The following PLEKHF2 variants were observed in gnomAD, a reference collection of about 807,000 sequenced individuals.
PLEKHF2 encodes the protein pleckstrin homology and FYVE domain containing 2.
PLEKHF2 carries 4 observed loss-of-function variants against 14.7 expected under a neutral mutation model. The ratio of observed to expected loss-of-function variants is 0.27; its 90% CI spans 0.13 to 0.62. PLEKHF2 has a LOEUF of 0.62. PLEKHF2 is among the 20% of genes least tolerant of loss of function. PLEKHF2 has a pLI of 0.85. For synonymous variants in PLEKHF2, 90 were observed against 103.5 expected (o/e 0.87, Z 0.79); for missense variants, 201 against 307.7 (o/e 0.65, Z 2.60).
intron 1 of PLEKHF2, among the ~76,000 whole-genome samples, chr8:95,135,857 C>T (rs943598874): frequency 2.0e-5 from 3 of 152,090 alleles, no homozygotes; most frequent in African/African-American, 7.2e-5. Context: ...TTGCTCTTAT[C>T]ACTGCTCTGA....
In PLEKHF2 at chr8:95,138,878, A is replaced by G. The variant is rs1810407917; in HGVS notation, c.-15+4848A>G. 2.0e-5 allele frequency among the ~76,000 whole-genome samples: 3 copies of G among 152,220 alleles called. No homozygotes were observed. The South Asian group carries it at 6.2e-4, about 32-fold the overall frequency. On this transcript the variant is annotated intron_variant, in intron 1 of 1. Coordinates refer to ENST00000315367, the MANE Select transcript of PLEKHF2 (RefSeq NM_024613.4). ...TATAGACAAAGCTACAGTGAACTTCATGTGAACAACTTTGTACACTTTTAA... is the reference window on the plus strand; with the variant it reads ...TATAGACAAAGCTACAGTGAACTTCGTGTGAACAACTTTGTACACTTTTAA...
At chr8:95,143,396 G>T (rs1810458432) in intron 1 of PLEKHF2, among the ~76,000 whole-genome samples, 1 of 152,180 alleles carries the variant, frequency 6.6e-6, no homozygotes, top group African/African-American at 2.4e-5. Flanking sequence ...ACCGCGCCCG[G>T]CCTGGAAATA....
intron 1 of PLEKHF2, 126 bp from the exon 2 acceptor site, chr8:95,153,905 G>C (rs1810587539): frequency 2.9e-6 from 2 of 692,708 alleles, no homozygotes; most frequent in African/African-American, 3.7e-5. Flanking sequence ...TTATCTTAGA[G>C]GGAAAGAATT....
intron 1 of PLEKHF2, among the ~76,000 whole-genome samples, chr8:95,145,673 C>G (rs1463721983): frequency 1.3e-5 from 2 of 152,168 alleles, no homozygotes; most frequent in Non-Finnish European, 2.9e-5. Flanking sequence ...ATCTGCCCAC[C>G]TTGGCCTCCC....
At chr8:95,145,199 A>G (rs1019196245) in intron 1 of PLEKHF2, among the ~76,000 whole-genome samples, 1 of 152,116 alleles carries the variant, frequency 6.6e-6, no homozygotes, top group Admixed American at 6.6e-5. Context: ...TGAAGTTTCC[A>G]TGTTTCTCAA....
intron 1 of PLEKHF2, among the ~76,000 whole-genome samples, chr8:95,144,310 T>C (rs1810468884): frequency 6.6e-6 from 1 of 152,244 alleles, no homozygotes. Context: ...TAGTTGTTTT[T>C]ATGTACTATT....
At chr8:95,148,620 T>G (rs1256729701) in intron 1 of PLEKHF2, among the ~76,000 whole-genome samples, 2 of 152,054 alleles carry the variant, frequency 1.3e-5, no homozygotes, top group African/African-American at 4.8e-5. Context: ...AAGCTACCAC[T>G]CGTTGACTGC....
At chr8:95,140,187 A>C (rs1443671042) in intron 1 of PLEKHF2, among the ~76,000 whole-genome samples, 1 of 152,214 alleles carries the variant, frequency 6.6e-6, no homozygotes, top group Admixed American at 6.5e-5. Context: ...AAACAAAGCT[A>C]GCATCTGCCC....
At chr8:95,143,093 C>CTTTTTTTTTTTTT (rs35086823) in intron 1 of PLEKHF2, among the ~76,000 whole-genome samples, 8 of 141,048 alleles carry the variant, frequency 5.7e-5, no homozygotes, top group Non-Finnish European at 6.1e-5. Flanking sequence ...AGGAAATAAT[C>CTTTTTTTTTTTTT]TTTTTTTTTT....
At chr8:95,135,751 C>T (rs1363680074) in intron 1 of PLEKHF2, among the ~76,000 whole-genome samples, 6 of 152,178 alleles carry the variant, frequency 3.9e-5, no homozygotes, top group African/African-American at 9.7e-5. Flanking sequence ...TGGTATTTAA[C>T]TGAGATCTTA....
chr8:95,152,425 A>G (rs1168046610), intron 1 of PLEKHF2, among the ~76,000 whole-genome samples: 1 of 152,146 alleles, frequency 6.6e-6, no homozygotes, highest in African/African-American at 2.4e-5. Flanking sequence ...CTTTATGAGT[A>G]CTGAATCTTA....
chr8:95,140,945 CCTT>C (rs1440565580), intron 1 of PLEKHF2, among the ~76,000 whole-genome samples: 99 of 151,924 alleles, frequency 6.5e-4, no homozygotes, highest in Non-Finnish European at 1.5e-4. Flanking sequence ...TTGTTTTTTT[CCTT>C]CTTTGTCAGT....
chr8:95,154,965 TC>T lies in PLEKHF2; in HGVS notation c.*174del. On this transcript the variant is annotated 3_prime_UTR_variant, in exon 2 of 2. Coordinates refer to ENST00000315367, the MANE Select transcript of PLEKHF2 (RefSeq NM_024613.4). This position sits in a 1 kb window ranked among gnomAD's most constrained non-coding sequence, Gnocchi z 5.6. ...ATAGAAAGTAGGTCCCCCTGCCTTC[TC>T]CCACTCCTCACACTCTTCTACAGGG... 1 of 708,834 alleles carries T rather than the reference TC, an allele frequency of 1.4e-6. No individual in the cohort carries two copies. Among genetic ancestry groups the T allele is most frequent in the Non-Finnish European group, 2.4e-6 (1 of 424,568 alleles). 43.9% of individuals were successfully genotyped at this position (708,834 alleles called of 1,614,324 possible). A position where few individuals can be genotyped will look rare whatever the true frequency, so the allele number is the denominator to read the frequency against.
intron 1 of PLEKHF2, among the ~76,000 whole-genome samples, chr8:95,146,364 A>T (rs1458929802): frequency 6.6e-6 from 1 of 152,194 alleles, no homozygotes; most frequent in Non-Finnish European, 1.5e-5. Context: ...TATCATGGGT[A>T]TATGTAAGAA....
chr8:95,145,035 A>G (rs1810481409), intron 1 of PLEKHF2, among the ~76,000 whole-genome samples: 1 of 152,186 alleles, frequency 6.6e-6, no homozygotes, highest in Admixed American at 6.5e-5. Flanking sequence ...TATTATGCAC[A>G]TGTGTGGGTG....
At chr8:95,136,475 T>C (rs1429933395) in intron 1 of PLEKHF2, among the ~76,000 whole-genome samples, 1 of 152,118 alleles carries the variant, frequency 6.6e-6, no homozygotes, top group Non-Finnish European at 1.5e-5. Flanking sequence ...AAGTAGATAA[T>C]GGATTAAAGT....
At chr8:95,138,376 CA>C (rs1426135442) in intron 1 of PLEKHF2, among the ~76,000 whole-genome samples, 4 of 111,648 alleles carry the variant, frequency 3.6e-5, no homozygotes, top group African/African-American at 1.1e-4. Context: ...GCCCCTTTTT[CA>C]GAAGTGGAAC....
chr8:95,151,000 A>G (rs956699640), intron 1 of PLEKHF2, among the ~76,000 whole-genome samples: 3 of 152,132 alleles, frequency 2.0e-5, no homozygotes, highest in African/African-American at 7.2e-5. Context: ...AAATACAGTA[A>G]TAAGTGCAAA....
chr8:95,152,605 A>G (rs1196267468), intron 1 of PLEKHF2, among the ~76,000 whole-genome samples: 1 of 152,026 alleles, frequency 6.6e-6, no homozygotes, highest in African/African-American at 2.4e-5. Flanking sequence ...TGGCTGGCAT[A>G]TTAGTCCTAA....
Sources: gnomAD v4.1 joint callset for allele counts (sites outside exome capture counted in the v4.1 genomes callset) on GRCh38, gnomAD v4.1.1 for gene constraint, Gnocchi (gnomAD v3.1) non-coding constraint, MANE v1.5 for transcripts, NCBI Gene and HGNC (gene_info 2026-07-23, HGNC 2026-07-21) for gene names.